FANCI: variants seen among roughly 807,000 people sequenced by gnomAD.
FANCI encodes FA complementation group I.
Under a neutral mutation model 176.1 loss-of-function variants are expected in FANCI, and 156 were observed. The observed-to-expected ratio is 0.89, with a 90% CI of 0.78 to 1.01. The LOEUF is 1.01. Ranked by LOEUF, FANCI falls within the 50% of genes least tolerant of loss-of-function variation. The pLI is 0.00. For missense variants in FANCI, 1,678 were observed against 1,534.1 expected, an observed-to-expected ratio of 1.09 and a Z score of -1.57; for synonymous variants, 613 against 541.7, an observed-to-expected ratio of 1.13 and a Z score of -1.83.
rs773279320 is a variant in FANCI, at chr15:89,292,990, A to C, written c.2218A>C (p.Asn740His). 6 of 1,614,102 alleles carry C rather than the reference A, an allele frequency of 3.7e-6. No individual in the cohort carries two copies. Among genetic ancestry groups the C allele is most frequent in the Non-Finnish European group, 5.1e-6 (6 of 1,179,976 alleles). Reference sequence around the variant, plus strand: ...GAGCACCAGTATTGGCATAAAAAATAATATCTGTGCTTTTCTTGTGATGGG... The same window carrying C: ...GAGCACCAGTATTGGCATAAAAAATCATATCTGTGCTTTTCTTGTGATGGG... ...SQSTSIGIKN[N>H]ICAFLVMGVC... Residue 740 changes from asparagine (N) to histidine (H), a missense_variant, in exon 22 of 38, where the codon AAT becomes CAT. Coordinates refer to ENST00000310775, the MANE Select transcript of FANCI (RefSeq NM_001113378.2).
At chr15:89,296,918 G>T (rs1222879833) in intron 24 of FANCI, among the ~76,000 whole-genome samples, 2 of 147,102 alleles carry the variant, frequency 1.4e-5, no homozygotes, top group Non-Finnish European at 3.0e-5. Context: ...CGGGCGGGGG[G>T]CTGACCCCCC....
intron 12 of FANCI, among the ~76,000 whole-genome samples, chr15:89,276,506 T>C (rs986394552): frequency 2.6e-5 from 4 of 152,224 alleles, no homozygotes; most frequent in Non-Finnish European, 5.9e-5. Flanking sequence ...TGTGTGTCAT[T>C]GGAGACCACT....
Position 89,301,307 on chromosome 15 carries a change from G to C in FANCI, c.2890-19G>C, listed in dbSNP as rs758850736. ...CGTGTCTGCTAACATTGCTTGCTGTGTGTGCCTTCCTTTCTCAGAGGTCCT... is the reference window on the plus strand; with the variant it reads ...CGTGTCTGCTAACATTGCTTGCTGTCTGTGCCTTCCTTTCTCAGAGGTCCT... On this transcript the variant is annotated intron_variant, in intron 26 of 37. Transcript: ENST00000310775. 3 of 1,532,906 alleles carry C rather than the reference G, an allele frequency of 2.0e-6. No homozygotes were observed. The South Asian group carries it at 3.4e-5, about 17-fold the overall frequency. The allele number at this position is 1,532,906 out of a possible 1,614,324, so 95.0% of individuals were successfully genotyped here. A position where few individuals can be genotyped will look rare whatever the true frequency, so the allele number is the denominator to read the frequency against.
chr15:89,305,805 C>T lies in FANCI; in HGVS notation c.3349+107C>T. 3 of 1,266,824 alleles carry T rather than the reference C, an allele frequency of 2.4e-6. No homozygotes were observed. The East Asian group carries it at 7.2e-5, about 31-fold the overall frequency. The allele number at this position is 1,266,824 out of a possible 1,614,324, so 78.5% of individuals were successfully genotyped here. On this transcript the variant is annotated intron_variant, in intron 31 of 37. Coordinates refer to ENST00000310775, the MANE Select transcript of FANCI (RefSeq NM_001113378.2). Reference sequence around the variant, plus strand: ...CCCCTGAGCTAAATTTCTTATTTGCCTTTAAGCTAGATTTTTTCCTATGTG... The same window carrying T: ...CCCCTGAGCTAAATTTCTTATTTGCTTTTAAGCTAGATTTTTTCCTATGTG...
intron 37 of FANCI, 56 bp from the exon 38 acceptor site, chr15:89,316,341 T>G: frequency 1.3e-6 from 2 of 1,536,862 alleles, no homozygotes; most frequent in Non-Finnish European, 1.8e-6. Flanking sequence ...TCTTTTTATT[T>G]CCACTGCCTT....
chr15:89,286,015 G>C (rs549620024), intron 18 of FANCI, among the ~76,000 whole-genome samples: 3 of 150,500 alleles, frequency 2.0e-5, no homozygotes, highest in Non-Finnish European at 4.4e-5. Flanking sequence ...ACAGAGTCTC[G>C]CTCTGTCACC....
chr15:89,299,717 C>T (rs1596316359), intron 24 of FANCI, 83 bp from the exon 25 acceptor site: 1 of 1,391,554 alleles, frequency 7.2e-7, no homozygotes, highest in Non-Finnish European at 1.0e-6. Context: ...GAACTGTTCA[C>T]CTACAGGGTA....
chr15:89,306,466 C>A (rs1259297770), intron 32 of FANCI, among the ~76,000 whole-genome samples: 1 of 151,892 alleles, frequency 6.6e-6, no homozygotes, highest in African/African-American at 2.4e-5. Flanking sequence ...CTGAGACGGG[C>A]GGATCACCTG....
rs749891231 is a variant in FANCI at position 89,305,586 on chromosome 15, A to G, written c.3256-19A>G. ...ACAGCTGTGTGTAGTGAATCACACCAGGCACTCTTTTCTTTCAGTTACTTG... is the reference window on the plus strand; with the variant it reads ...ACAGCTGTGTGTAGTGAATCACACCGGGCACTCTTTTCTTTCAGTTACTTG... On this transcript the variant is annotated intron_variant, in intron 30 of 37. Coordinates refer to ENST00000310775, the MANE Select transcript of FANCI (RefSeq NM_001113378.2). 7 of 1,613,006 alleles carry G rather than the reference A, an allele frequency of 4.3e-6. No individual in the cohort carries two copies. The highest frequency in any genetic ancestry group is 1.7e-5 in the Admixed American group (1 of 60,018).
chr15:89,253,783 T>C (rs1344222037), intron 2 of FANCI, among the ~76,000 whole-genome samples: 2 of 63,482 alleles, frequency 3.2e-5, no homozygotes, highest in Admixed American at 1.7e-4. Context: ...CATAAATAAC[T>C]TGTGGGGGGG....
Position 89,261,613 on chromosome 15 carries a change from T to A in FANCI, c.317T>A (p.Val106Asp). Residue 106 changes from valine (V) to aspartate (D), a missense_variant, in exon 5 of 38, where the codon GTT (valine) becomes GAT (aspartate). Coordinates refer to ENST00000310775, the MANE Select transcript of FANCI (RefSeq NM_001113378.2). ...CACCATTTTCCAGGACCATTATTGG[T>A]TGAATTAGCCAATGAGTTTATTAGT... ...EAHHFPGPLL[V>D]ELANEFISAV... The A allele has an allele frequency of 6.2e-7, 1 of 1,614,154 alleles. No individual in the cohort carries two copies. The highest frequency in any genetic ancestry group is 8.5e-7 in the Non-Finnish European group (1 of 1,180,026).
chr15:89,290,261 A>T lies in FANCI; in HGVS notation c.1870A>T (p.Met624Leu), dbSNP rs772744597. 1 of 1,613,800 alleles carries T rather than the reference A, an allele frequency of 6.2e-7. No individual in the cohort carries two copies. The highest frequency in any genetic ancestry group is 2.2e-5 in the East Asian group (1 of 44,862). Residue 624 changes from methionine to leucine, a missense_variant, in exon 19 of 38, where the codon ATG becomes TTG. Physicochemically the swap from Met to Leu is conservative, Grantham distance 15. Around this residue, in one of 3 missense-constraint regions of FANCI, gnomAD observed 1,204 missense variants for 1,077.4 expected, o/e 1.12. Transcript: ENST00000310775. ...GAACTCTCAGCTGGCTAATTCAGTCATGCAAACTCTGCTCTCACAGGTAAA... is the reference window on the plus strand; with the variant it reads ...GAACTCTCAGCTGGCTAATTCAGTCTTGCAAACTCTGCTCTCACAGGTAAA... ...RRNSQLANSV[M>L]QTLLSQLKQF...
intron 22 of FANCI, 113 bp downstream of exon 22, chr15:89,293,176 C>T (rs1322708320): frequency 8.7e-7 from 1 of 1,149,686 alleles, no homozygotes; most frequent in African/African-American, 1.5e-5. Flanking sequence ...ATGACACTGT[C>T]TCTTAAATGA....
chr15:89,267,913 C>T (rs541755848), intron 9 of FANCI, among the ~76,000 whole-genome samples: 4 of 152,108 alleles, frequency 2.6e-5, no homozygotes, highest in South Asian at 4.2e-4. Flanking sequence ...AGTGACAGAG[C>T]GAGACCCTGT....
chr15:89,306,566 C>G (rs946354070), intron 32 of FANCI, among the ~76,000 whole-genome samples: 1 of 152,038 alleles, frequency 6.6e-6, no homozygotes, highest in African/African-American at 2.4e-5. Context: ...GTGGTGGGCA[C>G]CTGTAATCCC....
intron 34 of FANCI, among the ~76,000 whole-genome samples, chr15:89,309,768 G>T (rs921278198): frequency 1.3e-5 from 2 of 152,030 alleles, no homozygotes; most frequent in African/African-American, 4.8e-5. Flanking sequence ...TTCATTAGTA[G>T]TTTTCAGACC....
chr15:89,273,233 A>G (rs1473372064), intron 10 of FANCI, 144 bp from the exon 11 acceptor site: 2 of 588,278 alleles, frequency 3.4e-6, no homozygotes, highest in Admixed American at 2.9e-5. Flanking sequence ...GAGCCTGGGA[A>G]ATCAAGGCTG....
chr15:89,277,528 C>T (rs531431584), intron 13 of FANCI, among the ~76,000 whole-genome samples: 2 of 149,492 alleles, frequency 1.3e-5, no homozygotes, highest in African/African-American at 4.9e-5. Context: ...AGGTGGATCA[C>T]TTGAGCCCAG....
chr15:89,292,821 T>C lies in FANCI; in HGVS notation c.2126T>C (p.Ile709Thr). The change falls in exon 21 of 38, where the codon ATT becomes ACT. Residue 709 changes from isoleucine (I) to threonine (T), a missense_variant. Around this residue, in one of 3 missense-constraint regions of FANCI, gnomAD observed 1,204 missense variants for 1,077.4 expected, o/e 1.12. Transcript: ENST00000310775. ...YEDLDDILES[I>T]TNRMIKSELE... is the part of the protein sequence containing the mutation. ...GACCTAGATGATATATTGGAGTCCATTACTAATAGAATGATTAAGAGTGAG... is the reference window on the plus strand; with the variant it reads ...GACCTAGATGATATATTGGAGTCCACTACTAATAGAATGATTAAGAGTGAG... 2 of 1,614,122 alleles carry C rather than the reference T, an allele frequency of 1.2e-6. No homozygotes were observed. Among genetic ancestry groups the C allele is most frequent in the Non-Finnish European group, 1.7e-6 (2 of 1,180,008 alleles).
Sources: allele counts gnomAD v4.1 joint callset (sites outside exome capture counted in the v4.1 genomes callset), GRCh38; gene constraint gnomAD v4.1.1; regional missense constraint gnomAD v4.1.1; transcripts MANE v1.5; gene names NCBI Gene and HGNC (gene_info 2026-07-23, HGNC 2026-07-21).